VPS13B: variants seen among roughly 807,000 people sequenced by gnomAD.
VPS13B encodes intermembrane lipid transfer protein VPS13B.
A neutral mutation model predicts 426.4 loss-of-function variants in VPS13B; 285 were observed. The ratio of observed to expected loss-of-function variants is 0.67; its 90% CI spans 0.61 to 0.74. The LOEUF (loss-of-function observed/expected upper bound fraction) is 0.74, where lower values mean the gene tolerates loss of function less well. Among genes scored for constraint, VPS13B ranks in the 30% least tolerant of loss-of-function variants. VPS13B has a pLI of 0.00. For missense variants in VPS13B, 4,537 were observed against 4,782.6 expected (o/e 0.95, Z 1.51); for synonymous variants, 1,676 against 1,676.4 (o/e 1.00, Z 0.01).
rs1271152811 is a variant in VPS13B at position 99,877,508 on chromosome 8, T to C, written c.*1842T>C. ...ATACCTGGGTTTAATACAGCTCACA[T>C]CACTGAATGTTACACATGAGTTTAA... On this transcript the variant is annotated 3_prime_UTR_variant, in exon 62 of 62. Transcript: ENST00000357162. 2 of 152,620 alleles carry C rather than the reference T, an allele frequency of 1.3e-5. No individual in the cohort carries two copies. Among genetic ancestry groups the C allele is most frequent in the Admixed American group, 6.5e-5 (1 of 15,278 alleles). The allele number at this position is 152,620 out of a possible 1,614,324, so 9.5% of individuals were successfully genotyped here. A position where few individuals can be genotyped will look rare whatever the true frequency, so the allele number is the denominator to read the frequency against.
chr8:99,667,871 A>G (rs950738465), intron 35 of VPS13B, among the ~76,000 whole-genome samples: 10 of 152,166 alleles, frequency 6.6e-5, no homozygotes, highest in African/African-American at 1.9e-4. Flanking sequence ...TATTTTTTCC[A>G]GCTCTTAGGG....
rs190302106 is a variant in VPS13B at position 99,428,224 on chromosome 8, T to G, written c.3083-3313T>G. ...GGCAGTACCATTCAGGACATAGGCA[T>G]GGGCAAGGTCTTTATGTCTAAAACA... On this transcript the variant is annotated intron_variant, in intron 21 of 61. Transcript: ENST00000357162. 2.6e-5 allele frequency among the ~76,000 whole-genome samples: 4 copies of G among 152,302 alleles called. No homozygotes were observed. The East Asian group carries it at 7.7e-4, about 29-fold the overall frequency.
chr8:99,708,923 A>G (rs1298476097), intron 36 of VPS13B, among the ~76,000 whole-genome samples: 1 of 151,924 alleles, frequency 6.6e-6, no homozygotes, highest in Non-Finnish European at 1.5e-5. Flanking sequence ...ATAATTAAAT[A>G]GGATCTGATC....
intron 19 of VPS13B, among the ~76,000 whole-genome samples, chr8:99,283,552 T>C (rs1819274359): frequency 6.6e-6 from 1 of 152,194 alleles, no homozygotes; most frequent in Non-Finnish European, 1.5e-5. Context: ...GGCTCTGTTA[T>C]TGGAACTAAA....
intron 19 of VPS13B, among the ~76,000 whole-genome samples, chr8:99,333,070 T>C (rs1344948006): frequency 1.3e-5 from 2 of 151,760 alleles, no homozygotes; most frequent in African/African-American, 4.8e-5. Context: ...GTACTTAGTC[T>C]ATTTAAATAG....
chr8:99,065,304 C>T (rs930649599), intron 3 of VPS13B, among the ~76,000 whole-genome samples: 5 of 152,170 alleles, frequency 3.3e-5, no homozygotes, highest in African/African-American at 7.2e-5. Flanking sequence ...CATCAAAAAG[C>T]TTATCCACCA....
intron 33 of VPS13B, among the ~76,000 whole-genome samples, chr8:99,629,306 C>A (rs1828742945): frequency 6.6e-6 from 1 of 152,170 alleles, no homozygotes; most frequent in African/African-American, 2.4e-5. Flanking sequence ...GCATTGTTAT[C>A]ATCTTAATCA....
At chr8:99,772,472 A>AG (rs1811554080) in intron 40 of VPS13B, among the ~76,000 whole-genome samples, 1 of 152,046 alleles carries the variant, frequency 6.6e-6, no homozygotes, top group Non-Finnish European at 1.5e-5. Flanking sequence ...AGGGGAGAGT[A>AG]GGGAGTGAGG....
chr8:99,308,476 A>T (rs1820760902), intron 19 of VPS13B, among the ~76,000 whole-genome samples: 1 of 152,158 alleles, frequency 6.6e-6, no homozygotes, highest in African/African-American at 2.4e-5. Flanking sequence ...GATGGTTTCC[A>T]GCTTCATCCA....
intron 39 of VPS13B, among the ~76,000 whole-genome samples, chr8:99,762,104 C>T (rs895011984): frequency 1.3e-5 from 2 of 151,920 alleles, no homozygotes; most frequent in African/African-American, 4.8e-5. Context: ...TGGCTCACTG[C>T]GGCCTCAACC....
At chr8:99,343,082 T>C (rs1195394679) in intron 19 of VPS13B, among the ~76,000 whole-genome samples, 1 of 151,374 alleles carries the variant, frequency 6.6e-6, no homozygotes, top group African/African-American at 2.4e-5. Context: ...TCAGGTTTAT[T>C]GCCCATTTTT....
At chr8:99,784,253 A>G in intron 42 of VPS13B, 62 bp from the exon 43 acceptor site, 4 of 1,607,188 alleles carry the variant, frequency 2.5e-6, no homozygotes, top group Non-Finnish European at 3.4e-6. Flanking sequence ...CTGGGCAGAC[A>G]GCTGCCAAAC....
intron 17 of VPS13B, among the ~76,000 whole-genome samples, chr8:99,232,363 A>T (rs1816374612): frequency 1.3e-5 from 2 of 152,180 alleles, no homozygotes; most frequent in South Asian, 4.1e-4. Flanking sequence ...TCCTGTTGAT[A>T]TACACAGATG....
intron 33 of VPS13B, among the ~76,000 whole-genome samples, chr8:99,595,769 G>A (rs1826978342): frequency 6.6e-6 from 1 of 151,846 alleles, no homozygotes. Context: ...TTTGATAAGG[G>A]ACTTCTATCT....
chr8:99,667,897 G>A (rs1175645582), intron 35 of VPS13B, among the ~76,000 whole-genome samples: 1 of 152,016 alleles, frequency 6.6e-6, no homozygotes, highest in Non-Finnish European at 1.5e-5. Flanking sequence ...GATACTAAGA[G>A]GAATGTCATT....
intron 54 of VPS13B, among the ~76,000 whole-genome samples, chr8:99,837,602 C>G (rs1815462019): frequency 6.6e-6 from 1 of 152,092 alleles, no homozygotes; most frequent in Non-Finnish European, 1.5e-5. Context: ...TTTCCAACAC[C>G]CTTATCATCT....
chr8:99,685,687 C>T (rs1831360152), intron 35 of VPS13B, among the ~76,000 whole-genome samples: 1 of 152,146 alleles, frequency 6.6e-6, no homozygotes, highest in South Asian at 2.1e-4. Context: ...AGAATTTTTG[C>T]TTATTTTAAA....
chr8:99,318,382 C>T (rs184518146), intron 19 of VPS13B, among the ~76,000 whole-genome samples: 31 of 151,844 alleles, frequency 2.0e-4, no homozygotes, highest in Non-Finnish European at 8.8e-5. Context: ...CTTTATGGTA[C>T]TTCCAGTTTA....
At chr8:99,701,817 T>G (rs1368555178) in intron 36 of VPS13B, among the ~76,000 whole-genome samples, 3 of 152,154 alleles carry the variant, frequency 2.0e-5, no homozygotes, top group Non-Finnish European at 4.4e-5. Context: ...TACAGTTTTT[T>G]CTTTATGCAT....
Sources: gnomAD v4.1 joint callset for allele counts (sites outside exome capture counted in the v4.1 genomes callset) on GRCh38, gnomAD v4.1.1 for gene constraint, MANE v1.5 for transcripts, NCBI Gene and HGNC (gene_info 2026-07-23, HGNC 2026-07-21) for gene names.